GABRA4: variants seen among roughly 807,000 people sequenced by gnomAD.
GABRA4 encodes the protein gamma-aminobutyric acid receptor subunit alpha-4.
GABRA4 carries 12 observed loss-of-function variants against 49.7 expected under a neutral mutation model. That is an observed-to-expected ratio of 0.24 (90% CI 0.15 to 0.39). The LOEUF (loss-of-function observed/expected upper bound fraction) is 0.39, where lower values mean the gene tolerates loss of function less well. GABRA4 is among the 10% of genes least tolerant of loss of function. The pLI, the probability that GABRA4 is intolerant of heterozygous loss-of-function variation, is 1.00. For synonymous variants in GABRA4, 288 were observed against 240.2 expected (o/e 1.20, Z -1.84); for missense variants, 506 against 686.0 (o/e 0.74, Z 2.93).
At chr4:46,932,084 G>T (rs893266852) in intron 8 of GABRA4, among the ~76,000 whole-genome samples, 1 of 152,086 alleles carries the variant, frequency 6.6e-6, no homozygotes, top group Admixed American at 6.6e-5. Context: ...CCAAGGGCTC[G>T]TGAGGGCGGA....
chr4:46,946,563 C>T (rs1263734678), intron 8 of GABRA4, among the ~76,000 whole-genome samples: 1 of 152,056 alleles, frequency 6.6e-6, no homozygotes, highest in Non-Finnish European at 1.5e-5. Context: ...CACTGTGGGG[C>T]TAAGTCAGTG....
chr4:46,966,694 C>G (rs1027183229), intron 7 of GABRA4, among the ~76,000 whole-genome samples: 2 of 151,696 alleles, frequency 1.3e-5, no homozygotes, highest in Admixed American at 1.3e-4. Flanking sequence ...TCGGTCTCTT[C>G]TAAATCTTCA....
In GABRA4 at chr4:46,953,607, T is replaced by C. The variant is rs546950208; in HGVS notation, c.1134+11363A>G. On this transcript the variant is annotated intron_variant, in intron 8 of 8. Coordinates refer to ENST00000264318, the MANE Select transcript of GABRA4 (RefSeq NM_000809.4). ...AATTTGTTAAAATAACTGTGCAAAA[T>C]TAATTGGTGATTTTTAGAGTTGACA... 4.6e-5 allele frequency among the ~76,000 whole-genome samples: 7 copies of C among 152,292 alleles called. No homozygotes were observed. The South Asian group carries it at 1.0e-3, about 23-fold the overall frequency.
intron 7 of GABRA4, among the ~76,000 whole-genome samples, chr4:46,968,451 G>A (rs981057048): frequency 2.0e-5 from 3 of 151,256 alleles, no homozygotes; most frequent in African/African-American, 4.8e-5. Context: ...CTCTCCACAA[G>A]CCCCCACATC....
At chr4:46,970,979 G>T in intron 7 of GABRA4, 104 bp downstream of exon 7, 2 of 1,032,734 alleles carry the variant, frequency 1.9e-6, no homozygotes, top group Non-Finnish European at 2.8e-6. Flanking sequence ...CCTTATTCAG[G>T]ATAGCCTGAT....
chr4:46,936,310 C>G (rs1467664755), intron 8 of GABRA4, among the ~76,000 whole-genome samples: 1 of 152,060 alleles, frequency 6.6e-6, no homozygotes, highest in Admixed American at 6.6e-5. Context: ...AGTGCAATGG[C>G]GTAATCTTGG....
At chr4:46,947,406 G>T (rs139451404) in intron 8 of GABRA4, among the ~76,000 whole-genome samples, 1 of 151,862 alleles carries the variant, frequency 6.6e-6, no homozygotes, top group Non-Finnish European at 1.5e-5. Flanking sequence ...GTCTGCCTGC[G>T]TTCTAAGTAA....
At chr4:46,987,858 C>T (rs1003585081) in intron 2 of GABRA4, among the ~76,000 whole-genome samples, 4 of 152,062 alleles carry the variant, frequency 2.6e-5, no homozygotes, top group African/African-American at 7.2e-5. Flanking sequence ...CCATGTCATT[C>T]CCTCCATTTA....
chr4:46,949,895 T>C (rs1470264261), intron 8 of GABRA4, among the ~76,000 whole-genome samples: 2 of 152,106 alleles, frequency 1.3e-5, no homozygotes, highest in African/African-American at 4.8e-5. Flanking sequence ...ATTCACCATA[T>C]AAAAATCTCA....
At chr4:46,929,605 A>G (rs761288996) in intron 8 of GABRA4, among the ~76,000 whole-genome samples, 12 of 152,106 alleles carry the variant, frequency 7.9e-5, no homozygotes, top group Non-Finnish European at 1.6e-4. Flanking sequence ...ATTGACAGCC[A>G]CAATAAATAA....
At chr4:46,970,412 C>A (rs1394012415) in intron 7 of GABRA4, among the ~76,000 whole-genome samples, 1 of 151,242 alleles carries the variant, frequency 6.6e-6, no homozygotes, top group Non-Finnish European at 1.5e-5. Flanking sequence ...ATAATTATAA[C>A]AAATTATACT....
chr4:46,946,602 A>G (rs1445052144), intron 8 of GABRA4, among the ~76,000 whole-genome samples: 3 of 152,176 alleles, frequency 2.0e-5, no homozygotes, highest in African/African-American at 7.2e-5. Context: ...CACTTCAAAT[A>G]AAGAAATGCC....
chr4:46,989,416 G>T (rs1022452118), intron 2 of GABRA4, among the ~76,000 whole-genome samples: 1 of 152,172 alleles, frequency 6.6e-6, no homozygotes, highest in African/African-American at 2.4e-5. Flanking sequence ...TAGAGGTTGA[G>T]AGGACTACAT....
At chr4:46,993,069 G>A in intron 1 of GABRA4, 123 bp from the exon 2 acceptor site, 2 of 777,546 alleles carry the variant, frequency 2.6e-6, no homozygotes, top group Non-Finnish European at 4.2e-6. Flanking sequence ...AAGGAGAGGA[G>A]GTTGGGGGTT....
At chr4:46,951,909 C>T (rs1278190538) in intron 8 of GABRA4, among the ~76,000 whole-genome samples, 1 of 151,842 alleles carries the variant, frequency 6.6e-6, no homozygotes, top group African/African-American at 2.4e-5. Flanking sequence ...ATAGAGTGCC[C>T]ACATGACTAC....
At chr4:46,931,968 A>G (rs1366339284) in intron 8 of GABRA4, among the ~76,000 whole-genome samples, 1 of 152,174 alleles carries the variant, frequency 6.6e-6, no homozygotes, top group Non-Finnish European at 1.5e-5. Context: ...AAAAATAAAT[A>G]TTAATTGTGT....
chr4:46,993,544 C>A lies in GABRA4; in HGVS notation c.-120G>T. The A allele has an allele frequency of 9.3e-7, 1 of 1,071,316 alleles. No homozygotes were observed. Among genetic ancestry groups the A allele is most frequent in the South Asian group, 1.4e-5 (1 of 70,848 alleles). 66.4% of individuals were successfully genotyped at this position (1,071,316 alleles called of 1,614,324 possible). ...GCGTGCGCACACTCGCGCTCACACTCGCCCGCGCTCAGCCAGCCCGAGCCG... is the reference window on the plus strand; with the variant it reads ...GCGTGCGCACACTCGCGCTCACACTAGCCCGCGCTCAGCCAGCCCGAGCCG... On this transcript the variant is annotated 5_prime_UTR_variant, in exon 1 of 9. Coordinates refer to ENST00000264318, the MANE Select transcript of GABRA4 (RefSeq NM_000809.4).
At chr4:46,980,187 A>G (rs1723300595) in intron 2 of GABRA4, among the ~76,000 whole-genome samples, 2 of 152,124 alleles carry the variant, frequency 1.3e-5, no homozygotes, top group South Asian at 4.1e-4. Context: ...ATTACTATGC[A>G]TAATACAGCA....
intron 7 of GABRA4, 76 bp downstream of exon 7, chr4:46,971,007 T>C (rs1345657761): frequency 4.3e-6 from 6 of 1,409,314 alleles, no homozygotes; most frequent in Non-Finnish European, 5.8e-6. Flanking sequence ...GGTTTAAGAT[T>C]TTCTTAGAAA....
Sources: gnomAD v4.1 joint callset for allele counts (sites outside exome capture counted in the v4.1 genomes callset) on GRCh38, gnomAD v4.1.1 for gene constraint, MANE v1.5 for transcripts, NCBI Gene and HGNC (gene_info 2026-07-23, HGNC 2026-07-21) for gene names.